Variants in NFIC observed in about 807,000 individuals in gnomAD.
NFIC encodes the protein nuclear factor I C, also known as nuclear factor 1 C-type.
In NFIC, 12 loss-of-function variants were observed where a neutral mutation model predicts 54.4. That is an observed-to-expected ratio of 0.22 (90% confidence interval 0.14 to 0.36). NFIC has a LOEUF of 0.36. Ranked by LOEUF, NFIC falls within the 10% of genes least tolerant of loss-of-function variation. The pLI is 1.00. For synonymous variants in NFIC, 322 were observed against 319.2 expected (o/e 1.01, Z -0.09); for missense variants, 575 against 718.2 (o/e 0.80, Z 2.28).
chr19:3,409,744 A>G (rs2099139213), intron 2 of NFIC, among the ~76,000 whole-genome samples: 1 of 152,204 alleles, frequency 6.6e-6, no homozygotes, highest in African/African-American at 2.4e-5. Flanking sequence ...ACAGGAGAGA[A>G]CAGTGTGTCC....
chr19:3,409,639 G>T (rs375752362), intron 2 of NFIC, among the ~76,000 whole-genome samples: 4 of 152,206 alleles, frequency 2.6e-5, no homozygotes, highest in East Asian at 1.9e-4. Flanking sequence ...TTGCAAAGGG[G>T]GTGGGTGCTC....
intron 1 of NFIC, among the ~76,000 whole-genome samples, chr19:3,378,157 A>C (rs1462037227): frequency 6.7e-6 from 1 of 149,608 alleles, no homozygotes; most frequent in African/African-American, 2.5e-5. Context: ...GCTACTCGGG[A>C]GGCTGAGGCA....
rs1568440429 is a variant in NFIC, at chr19:3,425,115, A to G, written c.572A>G (p.Gln191Arg). ...AYFVRERDAE[Q>R]SGSPRTGMGS... is the part of the protein sequence containing the mutation. ...TTCCCTCTCTTTGCAGATGCAGAGCAAAGCGGCAGTCCCCGGACAGGGATG... is the reference window on the plus strand; with the variant it reads ...TTCCCTCTCTTTGCAGATGCAGAGCGAAGCGGCAGTCCCCGGACAGGGATG... The change falls in exon 3 of 11, where the codon CAA (glutamine) becomes CGA (arginine). Residue 191 changes from glutamine to arginine, a missense_variant. Around this residue, in one of 3 missense-constraint regions of NFIC, gnomAD observed 447 missense variants for 526.9 expected, o/e 0.85. Transcript: ENST00000443272. 1.2e-6 allele frequency: 2 copies of G among 1,613,308 alleles called. No individual in the cohort carries two copies. The highest frequency in any genetic ancestry group is 1.7e-6 in the Non-Finnish European group (2 of 1,179,968).
At chr19:3,409,593 C>T (rs955151024) in intron 2 of NFIC, among the ~76,000 whole-genome samples, 2 of 146,366 alleles carry the variant, frequency 1.4e-5, no homozygotes, top group South Asian at 2.4e-4. Flanking sequence ...TCACCAACGG[C>T]GGAAGCTTCA....
chr19:3,464,040 C>G lies in NFIC; in HGVS notation c.*1271C>G, dbSNP rs1230733620. ...TCACTTCGCAAGCGTCCTGCCCTGCCGGGGCGCGGGGGTGGGCTCTGGGGA... is the reference window on the plus strand; with the variant it reads ...TCACTTCGCAAGCGTCCTGCCCTGCGGGGGCGCGGGGGTGGGCTCTGGGGA... On this transcript the variant is annotated 3_prime_UTR_variant, in exon 11 of 11. Transcript: ENST00000443272. 2 of 985,122 alleles carry G rather than the reference C, an allele frequency of 2.0e-6. No individual in the cohort carries two copies. Among genetic ancestry groups the G allele is most frequent in the Non-Finnish European group, 2.4e-6 (2 of 829,884 alleles). 61.0% of individuals were successfully genotyped at this position (985,122 alleles called of 1,614,324 possible).
At chr19:3,440,870 C>T (rs945572647) in intron 6 of NFIC, among the ~76,000 whole-genome samples, 3 of 152,148 alleles carry the variant, frequency 2.0e-5, no homozygotes, top group Non-Finnish European at 2.9e-5. Flanking sequence ...CTTGCTCTGT[C>T]GCCCAGGATG....
rs1372873862 is a variant in NFIC at position 3,375,721 on chromosome 19, G to C, written c.31-5991G>C. Among the ~76,000 whole-genome samples, 1 of 152,200 alleles carries C rather than the reference G, an allele frequency of 6.6e-6. No individual in the cohort carries two copies. Among genetic ancestry groups the C allele is most frequent in the African/African-American group, 2.4e-5 (1 of 41,448 alleles). ...GGCTATTTTCAGAGCCTCAGTAATA[G>C]GTGAAATCTGATGTCCTGCCCCTCC... is the stretch of plus-strand genomic sequence containing the variant. On this transcript the variant is annotated intron_variant, in intron 1 of 10. Transcript: ENST00000443272. This position sits in a 1 kb window ranked among gnomAD's most constrained non-coding sequence, Gnocchi z 4.6.
At chr19:3,442,961 C>T (rs539978325) in intron 6 of NFIC, among the ~76,000 whole-genome samples, 2 of 152,370 alleles carry the variant, frequency 1.3e-5, no homozygotes, top group South Asian at 4.1e-4. Context: ...CCCAGGGACA[C>T]TGGCCGGTGT....
chr19:3,462,370 G>A (rs575534026), intron 10 of NFIC, among the ~76,000 whole-genome samples: 2 of 152,246 alleles, frequency 1.3e-5, no homozygotes, highest in African/African-American at 2.4e-5. Flanking sequence ...CAACAAGAGC[G>A]AAACTCCATC....
intron 2 of NFIC, among the ~76,000 whole-genome samples, chr19:3,385,112 C>T (rs544082675): frequency 1.4e-3 from 208 of 150,804 alleles, no homozygotes; most frequent in South Asian, 1.7e-3. Flanking sequence ...TCCCTTGCCC[C>T]CAGCCTGCCC....
At chr19:3,417,039 AGG>A (rs2081869048) in intron 2 of NFIC, among the ~76,000 whole-genome samples, 2 of 133,422 alleles carry the variant, frequency 1.5e-5, no homozygotes, top group Non-Finnish European at 3.5e-5. Context: ...GCCCGCCACC[AGG>A]CCCAGCTAAT....
chr19:3,431,813 C>T (rs2082124929), intron 3 of NFIC, among the ~76,000 whole-genome samples: 1 of 152,186 alleles, frequency 6.6e-6, no homozygotes, highest in Admixed American at 6.6e-5. Flanking sequence ...ATCCTTTTCA[C>T]GGCTGAGTCC....
rs1373260029 is a variant in NFIC, at chr19:3,468,031, G to T, written c.*5262G>T. On this transcript the variant is annotated 3_prime_UTR_variant, in exon 11 of 11. Transcript: ENST00000443272. Reference sequence around the variant, plus strand: ...CATCCATTGCTCAATGGTACAGAGTGTGGGGTCAGTCCACCACCCTTGACC... The same window carrying T: ...CATCCATTGCTCAATGGTACAGAGTTTGGGGTCAGTCCACCACCCTTGACC... The T allele has an allele frequency of 1.3e-5, 2 of 151,786 alleles. No homozygotes were observed. Among genetic ancestry groups the T allele is most frequent in the African/African-American group, 4.9e-5 (2 of 41,236 alleles). 9.4% of individuals were successfully genotyped at this position (151,786 alleles called of 1,614,324 possible).
rs1169681364 is a variant in NFIC, at chr19:3,369,994, C to G, written c.30+3328C>G. On this transcript the variant is annotated intron_variant, in intron 1 of 10. Coordinates refer to ENST00000443272, the MANE Select transcript of NFIC (RefSeq NM_001245002.2). The surrounding 1 kb of genome is among the most constrained non-coding windows in gnomAD (Gnocchi z 4.3). ...AGGCTGTCCTCCCACCCCAGACCCC[C>G]GACCTTTGTTGGATTTTCTAGATCT... 6.6e-6 allele frequency among the ~76,000 whole-genome samples: 1 copy of G among 152,146 alleles called. No individual in the cohort carries two copies. Among genetic ancestry groups the G allele is most frequent in the African/African-American group, 2.4e-5 (1 of 41,444 alleles).
rs1368764746 is a variant in NFIC, at chr19:3,425,106, A to T, written c.563A>T (p.Asp188Val). The T allele has an allele frequency of 6.2e-7, 1 of 1,613,424 alleles. No homozygotes were observed. Among genetic ancestry groups the T allele is most frequent in the East Asian group, 2.2e-5 (1 of 44,862 alleles). ...CAGTGTTTCTTCCCTCTCTTTGCAG[A>T]TGCAGAGCAAAGCGGCAGTCCCCGG... ...LYLAYFVRER[D>V]AEQSGSPRTG... The change falls in exon 3 of 11, where the codon GAT (aspartate) becomes GTT (valine). Residue 188 changes from aspartate (D) to valine (V), a missense_variant and splice_region_variant. Physicochemically the swap from Asp to Val is radical, Grantham distance 152 (BLOSUM62 -3). Around this residue, in one of 3 missense-constraint regions of NFIC, gnomAD observed 447 missense variants for 526.9 expected, o/e 0.85. Coordinates refer to ENST00000443272, the MANE Select transcript of NFIC (RefSeq NM_001245002.2).
chr19:3,368,913 C>CTG (rs59920512), intron 1 of NFIC, among the ~76,000 whole-genome samples: 11,423 of 146,928 alleles, frequency 0.078, 1,049 homozygotes, highest in African/African-American at 0.23. Context: ...TGCTCTGACT[C>CTG]TGTGTGTGTG....
At position 3,467,992 on chromosome 19, in the gene NFIC, A is replaced by C. The variant is rs8110928; in HGVS notation, c.*5223A>C. ...ACTTCCTGAGAGTCTCACCTTCAAA[A>C]TGACACCGCTGCCCATCCATTGCTC... On this transcript the variant is annotated 3_prime_UTR_variant, in exon 11 of 11. Coordinates refer to ENST00000443272, the MANE Select transcript of NFIC (RefSeq NM_001245002.2). The C allele has an allele frequency of 0.13, 19,720 of 150,866 alleles. 2,099 individuals are homozygous for C. The highest frequency in any genetic ancestry group is 0.29 in the African/African-American group (11,934 of 40,816). 9.3% of individuals were successfully genotyped at this position (150,866 alleles called of 1,614,324 possible). A position where few individuals can be genotyped will look rare whatever the true frequency, so the allele number is the denominator to read the frequency against.
rs904693900 is a variant in NFIC, at chr19:3,459,702, C to G, written c.1510-3050C>G. On this transcript the variant is annotated intron_variant, in intron 10 of 10. Transcript: ENST00000443272. The surrounding 1 kb of genome is among the most constrained non-coding windows in gnomAD (Gnocchi z 4.2). ...GGAGGGAGGAAGGGCTGAGGGGAGG[C>G]TGGTCCACCACGGGGAGGGTCACGC... Among the ~76,000 whole-genome samples, 11 of 152,218 alleles carry G rather than the reference C, an allele frequency of 7.2e-5. No homozygotes were observed. Among genetic ancestry groups the G allele is most frequent in the African/African-American group, 2.7e-4 (11 of 41,458 alleles).
chr19:3,427,741 C>T (rs138849744), intron 3 of NFIC, among the ~76,000 whole-genome samples: 8,167 of 144,352 alleles, frequency 0.057, 373 homozygotes, highest in African/African-American at 0.12. Context: ...GCAGGAGAAT[C>T]GCTTGAACCC....
Sources: allele counts gnomAD v4.1 joint callset (sites outside exome capture counted in the v4.1 genomes callset), GRCh38; gene constraint gnomAD v4.1.1; regional missense constraint gnomAD v4.1.1; non-coding constraint Gnocchi (gnomAD v3.1); transcripts MANE v1.5; gene names NCBI Gene and HGNC (gene_info 2026-07-23, HGNC 2026-07-21).